RAI1: variants seen among roughly 807,000 people sequenced by gnomAD.
RAI1 encodes the protein retinoic acid induced 1.
Under a neutral mutation model 123.8 loss-of-function variants are expected in RAI1, and 9 were observed. The ratio of observed to expected loss-of-function variants is 0.07; its 90% CI spans 0.04 to 0.13. RAI1 has a LOEUF of 0.13. Ranked by LOEUF, RAI1 falls within the 10% of genes least tolerant of loss-of-function variation. RAI1 has a pLI of 1.00. For synonymous variants in RAI1, 1,231 were observed against 1,127.3 expected, an observed-to-expected ratio of 1.09 and a Z score of -1.84; for missense variants, 2,256 against 2,545.8, an observed-to-expected ratio of 0.89 and a Z score of 2.45.
chr17:17,700,334 C>G (rs1915176658), intron 1 of RAI1, among the ~76,000 whole-genome samples: 1 of 151,956 alleles, frequency 6.6e-6, no homozygotes, highest in African/African-American at 2.4e-5. Flanking sequence ...TCGCCCGGCC[C>G]CAGGCGGGAC....
chr17:17,774,986 A>C (rs1038230387), intron 2 of RAI1, among the ~76,000 whole-genome samples: 2 of 152,072 alleles, frequency 1.3e-5, no homozygotes, highest in Non-Finnish European at 2.9e-5. Context: ...TTCAGGGCAG[A>C]GTCTTGGGGC....
rs1423669738 is a variant in RAI1, at chr17:17,681,738, G to A, written c.-204G>A. 6.1e-6 allele frequency: 2 copies of A among 327,128 alleles called. No homozygotes were observed. The highest frequency in any genetic ancestry group is 4.4e-5 in the African/African-American group (2 of 45,734). 20.3% of individuals were successfully genotyped at this position (327,128 alleles called of 1,614,324 possible). ...GACCCCCATGGCCACCCAGGCCTCC[G>A]GGCCGCGAAGTCGCAGCGCCAGACC... On this transcript the variant is annotated 5_prime_UTR_variant, in exon 1 of 6. Coordinates refer to ENST00000353383, the MANE Select transcript of RAI1 (RefSeq NM_030665.4).
chr17:17,723,447 G>A (rs142320421), intron 1 of RAI1, among the ~76,000 whole-genome samples: 1 of 151,408 alleles, frequency 6.6e-6, no homozygotes, highest in East Asian at 2.0e-4. Flanking sequence ...TCACCCGCAG[G>A]CTCGTAAGTC....
chr17:17,727,220 G>T (rs750697662), intron 2 of RAI1, among the ~76,000 whole-genome samples: 1 of 152,168 alleles, frequency 6.6e-6, no homozygotes, highest in Non-Finnish European at 1.5e-5. Flanking sequence ...CATCAGAGCC[G>T]AAAAGAGCCT....
At position 17,796,483 on chromosome 17, in the gene RAI1, G is replaced by A. The variant is rs762264314; in HGVS notation, c.3535G>A (p.Asp1179Asn). The A allele has an allele frequency of 6.8e-6, 11 of 1,611,060 alleles. No individual in the cohort carries two copies. Among genetic ancestry groups the A allele is most frequent in the African/African-American group, 2.7e-5 (2 of 74,896 alleles). The change falls in exon 3 of 6, where the codon GAC becomes AAC. Residue 1179 changes from aspartate (D) to asparagine (N), a missense_variant. Physicochemically the swap from Asp to Asn is conservative, Grantham distance 23. This residue lies in a region of RAI1 where 322 missense variants were observed against 358.0 expected (regional missense o/e 0.90). Transcript: ENST00000353383. This position sits in a 1 kb window ranked among gnomAD's most constrained non-coding sequence, Gnocchi z 5.8. The stretch of plus-strand genomic sequence containing the variant: ...CTGCCGTGCCACCAAGAAGCTCCTC[G>A]ACAACAGCCACTTGCCCGCCACATT... Reference protein sequence around the residue: ...PNCRATKKLLDNSHLPATFKV... With the variant: ...PNCRATKKLLNNSHLPATFKV...
chr17:17,745,707 T>G (rs1156640870), intron 2 of RAI1, among the ~76,000 whole-genome samples: 1 of 152,184 alleles, frequency 6.6e-6, no homozygotes, highest in Admixed American at 6.5e-5. Context: ...CTGAAGGCTT[T>G]TAAGCAGGGA....
Position 17,794,524 on chromosome 17 carries a change from G to A in RAI1, c.1576G>A (p.Glu526Lys). Residue 526 changes from glutamate to lysine, a missense_variant, in exon 3 of 6, where the codon GAG becomes AAG. By Grantham distance (56) the Glu-to-Lys change is moderately conservative. This residue lies in a region of RAI1 where 357 missense variants were observed against 480.2 expected (regional missense o/e 0.74). Coordinates refer to ENST00000353383, the MANE Select transcript of RAI1 (RefSeq NM_030665.4). Reference protein sequence around the residue: ...DYLSGSEDPLERSFLYCNQAR... With the variant: ...DYLSGSEDPLKRSFLYCNQAR... ...CCTGAGCGGCTCCGAGGACCCACTG[G>A]AGCGCAGCTTCCTCTACTGCAACCA... is the stretch of plus-strand genomic sequence containing the variant. The A allele has an allele frequency of 6.2e-7, 1 of 1,612,798 alleles. No homozygotes were observed. The highest frequency in any genetic ancestry group is 8.5e-7 in the Non-Finnish European group (1 of 1,179,884).
At chr17:17,791,849 C>A (rs2032022263) in intron 2 of RAI1, among the ~76,000 whole-genome samples, 1 of 152,138 alleles carries the variant, frequency 6.6e-6, no homozygotes, top group Admixed American at 6.5e-5. Context: ...TGAGAGGCTC[C>A]CGCAACCCAC....
At chr17:17,695,845 C>G (rs1457613393) in intron 1 of RAI1, among the ~76,000 whole-genome samples, 1 of 152,142 alleles carries the variant, frequency 6.6e-6, no homozygotes, top group African/African-American at 2.4e-5. Context: ...TAAGAGGCAC[C>G]GATTCAGCTA....
At position 17,775,538 on chromosome 17, in the gene RAI1, A is replaced by ACACATTTTGTAAACC. The variant is rs1286728078; in HGVS notation, c.-16-17386_-16-17385insTAAACCCACATTTTG. On this transcript the variant is annotated intron_variant, in intron 2 of 5. Coordinates refer to ENST00000353383, the MANE Select transcript of RAI1 (RefSeq NM_030665.4). ...ACTTTCGACTCCCCAGTCAATTAACACACATTTTGCATGTTATATGTATTA... is the reference window on the plus strand; with the variant it reads ...ACTTTCGACTCCCCAGTCAATTAACACACATTTTGTAAACCCACATTTTGCATGTTATATGTATTA... Among the ~76,000 whole-genome samples, 32 of 152,158 alleles carry ACACATTTTGTAAACC rather than the reference A, an allele frequency of 2.1e-4. 1 individual carries two copies. The highest frequency in any genetic ancestry group is 3.5e-4 in the Non-Finnish European group (24 of 68,032).
At position 17,798,190 on chromosome 17, in the gene RAI1, G is replaced by A; in HGVS notation, c.5242G>A (p.Ala1748Thr). The change falls in exon 3 of 6, where the codon GCC (alanine) becomes ACC (threonine). Residue 1748 changes from alanine to threonine, a missense_variant. Coordinates refer to ENST00000353383, the MANE Select transcript of RAI1 (RefSeq NM_030665.4). Reference sequence around the variant, plus strand: ...ACTCAAAGGTCCCGAGTGTGCAGCTGCCGCCACTGCCGGGAAGCCCCCCAG... The same window carrying A: ...ACTCAAAGGTCCCGAGTGTGCAGCTACCGCCACTGCCGGGAAGCCCCCCAG... The part of the protein sequence containing the change: ...RTLKGPECAA[A>T]ATAGKPPRPD... The A allele has an allele frequency of 4.3e-6, 7 of 1,611,628 alleles. No individual in the cohort carries two copies. The highest frequency in any genetic ancestry group is 5.9e-6 in the Non-Finnish European group (7 of 1,179,614).
intron 2 of RAI1, among the ~76,000 whole-genome samples, chr17:17,771,029 G>C (rs2031137865): frequency 6.6e-6 from 1 of 152,106 alleles, no homozygotes; most frequent in Non-Finnish European, 1.5e-5. Context: ...CTCAGGAAAG[G>C]GGGCTTCAGG....
chr17:17,811,115 C>A lies in RAI1; in HGVS notation c.*1134C>A. The A allele has an allele frequency of 3.3e-6, 1 of 298,796 alleles. No homozygotes were observed. Among genetic ancestry groups the A allele is most frequent in the Non-Finnish European group, 6.6e-6 (1 of 151,986 alleles). The allele number at this position is 298,796 out of a possible 1,614,324, so 18.5% of individuals were successfully genotyped here. A position where few individuals can be genotyped will look rare whatever the true frequency, so the allele number is the denominator to read the frequency against. On this transcript the variant is annotated 3_prime_UTR_variant, in exon 6 of 6. Transcript: ENST00000353383. ...TCCGCCTGTCCGTCCGTGTCCTCAG[C>A]TCTGTCCACGCTTCGATAGGCCTGA...
At chr17:17,703,327 C>A (rs1915290688) in intron 1 of RAI1, among the ~76,000 whole-genome samples, 1 of 152,214 alleles carries the variant, frequency 6.6e-6, no homozygotes, top group Non-Finnish European at 1.5e-5. Flanking sequence ...CACTGCAAGT[C>A]AGAATCATCA....
rs374962897 is a variant in RAI1, at chr17:17,795,169, G to A, written c.2221G>A (p.Ala741Thr). The A allele has an allele frequency of 3.3e-5, 53 of 1,613,874 alleles. No homozygotes were observed. Among genetic ancestry groups the A allele is most frequent in the Admixed American group, 5.0e-5 (3 of 60,006 alleles). Residue 741 changes from alanine (A) to threonine (T), a missense_variant, in exon 3 of 6, where the codon GCC becomes ACC. Physicochemically the swap from Ala to Thr is moderately conservative, Grantham distance 58 (BLOSUM62 0). This residue lies in a region of RAI1 where 566 missense variants were observed against 616.0 expected (regional missense o/e 0.92). Coordinates refer to ENST00000353383, the MANE Select transcript of RAI1 (RefSeq NM_030665.4). This position sits in a 1 kb window ranked among gnomAD's most constrained non-coding sequence, Gnocchi z 5.9. ...AACCGCTGCCAGCTCAGCGGACAGC[G>A]CCAACCCCTTTGCCTGGCCAGAGGA... The part of the protein sequence containing the change: ...DTTAASSADS[A>T]NPFAWPEENL...
intron 2 of RAI1, chr17:17,778,000 T>C (rs571635886): frequency 6.6e-6 from 1 of 152,362 alleles, no homozygotes; most frequent in Non-Finnish European, 1.5e-5. Flanking sequence ...GAGCCCAGCC[T>C]CAGCAGAACC....
intron 2 of RAI1, among the ~76,000 whole-genome samples, chr17:17,729,591 A>AT (rs1916204048): frequency 6.6e-6 from 1 of 152,094 alleles, no homozygotes; most frequent in Non-Finnish European, 1.5e-5. Context: ...TATAATGGGG[A>AT]TGATAGCTTT....
chr17:17,726,399 T>C (rs1445741391), intron 2 of RAI1, among the ~76,000 whole-genome samples: 1 of 134,796 alleles, frequency 7.4e-6, no homozygotes, highest in Non-Finnish European at 1.6e-5. Flanking sequence ...TGGGTGAGGC[T>C]CTGGGAGGCA....
rs753421212 is a variant in RAI1 at position 17,794,381 on chromosome 17, G to C, written c.1433G>C (p.Ser478Thr). ...TCCAGGACCCCAGAGCAGCATAAAA[G>C]CCAGCACTGCAGCCCCGAAGGGAGC... Reference protein sequence around the residue: ...LVSRTPEQHKSQHCSPEGSGY... With the variant: ...LVSRTPEQHKTQHCSPEGSGY... The change falls in exon 3 of 6, where the codon AGC becomes ACC. Residue 478 changes from serine to threonine, a missense_variant. Physicochemically the swap from Ser to Thr is moderately conservative, Grantham distance 58 (BLOSUM62 1). Around this residue, in one of 7 missense-constraint regions of RAI1, gnomAD observed 357 missense variants for 480.2 expected, o/e 0.74. Coordinates refer to ENST00000353383, the MANE Select transcript of RAI1 (RefSeq NM_030665.4). 6.2e-7 allele frequency: 1 copy of C among 1,613,226 alleles called. No individual in the cohort carries two copies. Among genetic ancestry groups the C allele is most frequent in the South Asian group, 1.1e-5 (1 of 91,090 alleles).
Sources: gnomAD v4.1 joint callset for allele counts (sites outside exome capture counted in the v4.1 genomes callset) on GRCh38, gnomAD v4.1.1 for gene constraint, gnomAD v4.1.1 regional missense constraint, Gnocchi (gnomAD v3.1) non-coding constraint, MANE v1.5 for transcripts, NCBI Gene and HGNC (gene_info 2026-07-23, HGNC 2026-07-21) for gene names.